The following SMPDL3A variants were observed in gnomAD, a reference collection of about 807,000 sequenced individuals.
The protein encoded by SMPDL3A is sphingomyelin phosphodiesterase acid like 3A, also known as cyclic GMP-AMP phosphodiesterase SMPDL3A.
Under a neutral mutation model 38.5 loss-of-function variants are expected in SMPDL3A, and 39 were observed. The observed-to-expected ratio is 1.01, with a 90% confidence interval of 0.78 to 1.32. SMPDL3A has a LOEUF of 1.32. Among genes scored for constraint, SMPDL3A ranks in the 40% most tolerant of loss-of-function variants. The pLI is 0.00. For missense variants in SMPDL3A, 502 were observed against 536.2 expected, an observed-to-expected ratio of 0.94 and a Z score of 0.63; for synonymous variants, 180 against 194.3, an observed-to-expected ratio of 0.93 and a Z score of 0.61.
At chr6:122,801,208 T>C in intron 3 of SMPDL3A, 102 bp from the exon 4 acceptor site, 1 of 772,398 alleles carries the variant, frequency 1.3e-6, no homozygotes, top group Non-Finnish European at 2.2e-6. Context: ...CATCCTTGCA[T>C]CTCTAGATGC....
At chr6:122,804,346 C>T (rs1781532657) in intron 5 of SMPDL3A, among the ~76,000 whole-genome samples, 1 of 151,584 alleles carries the variant, frequency 6.6e-6, no homozygotes, top group South Asian at 2.1e-4. Flanking sequence ...CTCTGTTGCC[C>T]AGGCTAGAGT....
chr6:122,796,307 C>T (rs1289887419), intron 2 of SMPDL3A, among the ~76,000 whole-genome samples: 1 of 152,120 alleles, frequency 6.6e-6, no homozygotes, highest in Non-Finnish European at 1.5e-5. Flanking sequence ...ATTTCTTTAC[C>T]TGGAATAATG....
At position 122,809,416 on chromosome 6, in the gene SMPDL3A, C is replaced by G; in HGVS notation, c.*8C>G. 6.3e-7 allele frequency: 1 copy of G among 1,577,454 alleles called. No individual in the cohort carries two copies. Among genetic ancestry groups the G allele is most frequent in the Non-Finnish European group, 8.7e-7 (1 of 1,155,000 alleles). Reference sequence around the variant, plus strand: ...ATAAAGCACAATTACTAGTATTTCACAGTTTTTGCTAATAGAAAATGCTGA... The same window carrying G: ...ATAAAGCACAATTACTAGTATTTCAGAGTTTTTGCTAATAGAAAATGCTGA... On this transcript the variant is annotated 3_prime_UTR_variant, in exon 8 of 8. Coordinates refer to ENST00000368440, the MANE Select transcript of SMPDL3A (RefSeq NM_006714.5).
At chr6:122,804,644 A>G (rs188581366) in intron 5 of SMPDL3A, among the ~76,000 whole-genome samples, 99 of 152,248 alleles carry the variant, frequency 6.5e-4, no homozygotes, top group African/African-American at 2.3e-3. Context: ...TTTTAGGATT[A>G]GTGGACATCT....
In SMPDL3A at chr6:122,809,332, T is replaced by C; in HGVS notation, c.1286T>C (p.Ile429Thr). The C allele has an allele frequency of 6.2e-7, 1 of 1,614,020 alleles. No individual in the cohort carries two copies. The highest frequency in any genetic ancestry group is 8.5e-7 in the Non-Finnish European group (1 of 1,179,922). The change falls in exon 8 of 8, where the codon ATT becomes ACT. Residue 429 changes from isoleucine to threonine, a missense_variant. Ile to Thr is a moderately conservative substitution (Grantham distance 89). Coordinates refer to ENST00000368440, the MANE Select transcript of SMPDL3A (RefSeq NM_006714.5). ...GATAAGACATGTAAGGCCTTTCAGA[T>C]TTGTGCAATTATGAATCTTGATAAT... ...TCDKTCKAFQ[I>T]CAIMNLDNIS...
chr6:122,796,271 C>T (rs959893709), intron 2 of SMPDL3A, among the ~76,000 whole-genome samples: 15 of 152,158 alleles, frequency 9.9e-5, no homozygotes, highest in Admixed American at 6.5e-5. Flanking sequence ...TGGTTCCCTT[C>T]ATCATTATAG....
chr6:122,792,819 C>T (rs1408748288), intron 1 of SMPDL3A, among the ~76,000 whole-genome samples: 1 of 151,922 alleles, frequency 6.6e-6, no homozygotes, highest in East Asian at 1.9e-4. Context: ...TGAGCTCAAG[C>T]GATCTTCCTG....
Position 122,807,620 on chromosome 6 carries a change from A to C in SMPDL3A, c.1044+1263A>C, listed in dbSNP as rs564233322. On this transcript the variant is annotated intron_variant, in intron 7 of 7. Transcript: ENST00000368440. ...GCACAAAAGACTGGCCATTTAGCTT[A>C]TGGGTACTTCAGTTTGGGTAACTTC... is the stretch of plus-strand genomic sequence containing the variant. 3.3e-5 allele frequency among the ~76,000 whole-genome samples: 5 copies of C among 152,320 alleles called. No individual in the cohort carries two copies. In the South Asian group the frequency reaches 1.0e-3, roughly 32 times the overall value.
At chr6:122,795,329 G>A (rs1025837007) in intron 1 of SMPDL3A, among the ~76,000 whole-genome samples, 1 of 152,110 alleles carries the variant, frequency 6.6e-6, no homozygotes, top group East Asian at 1.9e-4. Flanking sequence ...TTTTGGTAGA[G>A]ATGGGGTTTC....
chr6:122,792,063 A>T (rs757257593), intron 1 of SMPDL3A, among the ~76,000 whole-genome samples: 2 of 152,208 alleles, frequency 1.3e-5, no homozygotes, highest in African/African-American at 2.4e-5. Flanking sequence ...TGGACTTTGA[A>T]CTAGGAAACA....
intron 7 of SMPDL3A, among the ~76,000 whole-genome samples, chr6:122,808,605 C>CCTTCCTTCCTTCCTT (rs1562357673): frequency 1.9e-4 from 12 of 64,804 alleles, no homozygotes; most frequent in East Asian, 1.6e-3. Flanking sequence ...CTCCCTCCCT[C>CCTTCCTTCCTTCCTT]CCTCCCTTCC....
intron 1 of SMPDL3A, among the ~76,000 whole-genome samples, chr6:122,793,120 C>T (rs1781131699): frequency 6.6e-6 from 1 of 152,094 alleles, no homozygotes; most frequent in Admixed American, 6.5e-5. Flanking sequence ...TGAGCTCATA[C>T]ATGTGAAGCA....
intron 3 of SMPDL3A, among the ~76,000 whole-genome samples, chr6:122,797,696 G>A (rs752279230): frequency 6.6e-6 from 1 of 152,174 alleles, no homozygotes; most frequent in South Asian, 2.1e-4. Flanking sequence ...TACAAATTCA[G>A]CCTGTTGCTT....
intron 1 of SMPDL3A, among the ~76,000 whole-genome samples, chr6:122,792,615 C>G (rs1334943502): frequency 6.7e-6 from 1 of 149,584 alleles, no homozygotes; most frequent in African/African-American, 2.4e-5. Flanking sequence ...TTGTCGTTAT[C>G]TGTTTTCTTT....
intron 3 of SMPDL3A, among the ~76,000 whole-genome samples, chr6:122,799,413 A>G (rs1409686817): frequency 6.6e-6 from 1 of 152,218 alleles, no homozygotes; most frequent in Non-Finnish European, 1.5e-5. Flanking sequence ...TGGATAAGCC[A>G]TCTAACTTCT....
intron 3 of SMPDL3A, among the ~76,000 whole-genome samples, chr6:122,798,543 T>G (rs1250035524): frequency 6.6e-6 from 1 of 152,190 alleles, no homozygotes. Flanking sequence ...GATGCAGAGA[T>G]CACTCATTTG....
intron 3 of SMPDL3A, among the ~76,000 whole-genome samples, 178 bp from the exon 4 acceptor site, chr6:122,801,132 G>A (rs1781416959): frequency 1.3e-5 from 2 of 152,128 alleles, no homozygotes; most frequent in South Asian, 2.1e-4. Context: ...TAGTTAATTG[G>A]TTACATTTTA....
intron 1 of SMPDL3A, among the ~76,000 whole-genome samples, chr6:122,795,355 T>C (rs1174993511): frequency 6.6e-6 from 1 of 152,066 alleles, no homozygotes; most frequent in Non-Finnish European, 1.5e-5. Flanking sequence ...GTTGGCCAGG[T>C]TGGTCTCGAA....
rs141478909 is a variant in SMPDL3A at position 122,803,124 on chromosome 6, G to A, written c.569-540G>A. Among the ~76,000 whole-genome samples, 499 of 142,664 alleles carry A rather than the reference G, an allele frequency of 3.5e-3. 4 individuals are homozygous for A. The highest frequency in any genetic ancestry group is 0.012 in the African/African-American group (463 of 39,200). The allele number at this position is 142,664 out of a possible 152,430, so 93.6% of individuals were successfully genotyped here. A position where few individuals can be genotyped will look rare whatever the true frequency, so the allele number is the denominator to read the frequency against. ...AGTGCCCAGCTCTGAAAGTGCCATT[G>A]CAACAGACCCTTGGGTGTCCCACCA... On this transcript the variant is annotated intron_variant, in intron 4 of 7. Coordinates refer to ENST00000368440, the MANE Select transcript of SMPDL3A (RefSeq NM_006714.5).
Sources: gnomAD v4.1 joint callset for allele counts (sites outside exome capture counted in the v4.1 genomes callset) on GRCh38, gnomAD v4.1.1 for gene constraint, MANE v1.5 for transcripts, NCBI Gene and HGNC (gene_info 2026-07-23, HGNC 2026-07-21) for gene names.